Variants in FBXO27 observed in about 807,000 individuals in gnomAD.
FBXO27 encodes F-box only protein 27.
FBXO27 carries 28 observed loss-of-function variants against 28.3 expected under a neutral mutation model. That is an observed-to-expected ratio of 0.99 (90% confidence interval 0.73 to 1.36). FBXO27 has a LOEUF of 1.36. Ranked by LOEUF, FBXO27 falls within the 40% of genes most tolerant of loss-of-function variation. The pLI, the probability that FBXO27 is intolerant of heterozygous loss-of-function variation, is 0.00. For synonymous variants in FBXO27, 175 were observed against 167.3 expected (o/e 1.05, Z -0.36); for missense variants, 388 against 394.1 (o/e 0.98, Z 0.13).
At chr19:39,030,232 C>T (rs1182134316) in intron 4 of FBXO27, among the ~76,000 whole-genome samples, 2 of 151,896 alleles carry the variant, frequency 1.3e-5, no homozygotes, top group Non-Finnish European at 2.9e-5. Flanking sequence ...GATCAAGGTT[C>T]AAAAAAAGGT....
intron 2 of FBXO27, among the ~76,000 whole-genome samples, chr19:39,011,449 TG>T (rs1430255014): frequency 6.6e-6 from 1 of 152,112 alleles, no homozygotes; most frequent in Non-Finnish European, 1.5e-5. Context: ...AATTTTTTTT[TG>T]ATAGGCATTG....
rs183549158 is a variant in FBXO27, at chr19:39,026,443, C to T, written c.708+427G>A. The stretch of plus-strand genomic sequence containing the variant: ...AGGTAAGCCCTCCTGAAATTACTGA[C>T]TCACAGAAATCACGAGAGGTAGTCA... On this transcript the variant is annotated intron_variant, in intron 5 of 5. Transcript: ENST00000292853. Among the ~76,000 whole-genome samples, 325 of 152,278 alleles carry T rather than the reference C, an allele frequency of 2.1e-3. 1 individual carries two copies. Among genetic ancestry groups the T allele is most frequent in the African/African-American group, 7.3e-3 (302 of 41,570 alleles).
intron 2 of FBXO27, among the ~76,000 whole-genome samples, chr19:39,014,103 C>T (rs1177898519): frequency 1.1e-4 from 17 of 152,188 alleles, no homozygotes; most frequent in Admixed American, 6.6e-5. Flanking sequence ...TTAGGTCCCA[C>T]GGAGGGTGCC....
chr19:39,019,390 A>G (rs2072834315), downstream of FBXO27, among the ~76,000 whole-genome samples: 1 of 120,862 alleles, frequency 8.3e-6, no homozygotes, highest in African/African-American at 3.1e-5. Context: ...GTGCCATTGC[A>G]CTCCAGCCTG....
chr19:39,012,132 C>T (rs1311951575), intron 2 of FBXO27, among the ~76,000 whole-genome samples: 3 of 144,834 alleles, frequency 2.1e-5, no homozygotes, highest in East Asian at 2.1e-4. Flanking sequence ...CACGCCCGGC[C>T]GAGCCCTGAT....
rs201790659 is a variant in FBXO27 at position 39,011,699 on chromosome 19, A to C, written c.252+2688T>G. 4.0e-3 allele frequency among the ~76,000 whole-genome samples: 32 copies of C among 8,070 alleles called. 2 individuals carry two copies. The highest frequency in any genetic ancestry group is 7.0e-3 in the South Asian group (1 of 142). 5.3% of individuals were successfully genotyped at this position (8,070 alleles called of 152,430 possible). ...TTTTTCGCAGAGATGGCGGCGGGGGAGGGGGGGTCTCCCTTTGTTGCCCCG... is the reference window on the plus strand; with the variant it reads ...TTTTTCGCAGAGATGGCGGCGGGGGCGGGGGGGTCTCCCTTTGTTGCCCCG... On this transcript the variant is annotated intron_variant, in intron 2 of 2. Transcript: ENST00000598394.
rs369968260 is a variant in FBXO27 at position 39,026,843 on chromosome 19, T to C, written c.708+27A>G. ...TGCAGCAATAGGCCCCCAGCATCCTTTCCCCAAACCCCCATAGGAGACTCA... is the reference window on the plus strand; with the variant it reads ...TGCAGCAATAGGCCCCCAGCATCCTCTCCCCAAACCCCCATAGGAGACTCA... On this transcript the variant is annotated intron_variant, in intron 5 of 5. Coordinates refer to ENST00000292853, the MANE Select transcript of FBXO27 (RefSeq NM_178820.5). 24 of 1,612,818 alleles carry C rather than the reference T, an allele frequency of 1.5e-5. No individual in the cohort carries two copies. The African/African-American group carries it at 3.2e-4, about 22-fold the overall frequency.
intron 2 of FBXO27, 26 bp from the exon 3 acceptor site, chr19:39,031,346 C>G: frequency 6.2e-7 from 1 of 1,609,968 alleles, no homozygotes; most frequent in Non-Finnish European, 8.5e-7. Flanking sequence ...GGCTTGTGCC[C>G]AAGTTCCAGT....
chr19:39,010,444 C>T (rs1448456052), intron 2 of FBXO27, among the ~76,000 whole-genome samples: 2 of 152,216 alleles, frequency 1.3e-5, no homozygotes, highest in Non-Finnish European at 2.9e-5. Flanking sequence ...TCTGGACTCT[C>T]GATTCTATTC....
chr19:39,017,992 T>C (rs564317575), intron 1 of FBXO27, among the ~76,000 whole-genome samples: 8 of 152,244 alleles, frequency 5.3e-5, no homozygotes, highest in African/African-American at 1.9e-4. Context: ...TTAATTATTA[T>C]TTTTTCGTGA....
downstream of FBXO27, among the ~76,000 whole-genome samples, chr19:39,020,908 G>A (rs2072842422): frequency 6.6e-6 from 1 of 151,826 alleles, no homozygotes; most frequent in Admixed American, 6.6e-5. Context: ...AGGCTGGAGT[G>A]CGGTAGCAAA....
At chr19:39,009,691 C>T (rs2072785597) in intron 2 of FBXO27, among the ~76,000 whole-genome samples, 1 of 152,010 alleles carries the variant, frequency 6.6e-6, no homozygotes, top group Non-Finnish European at 1.5e-5. Context: ...ATTTTGGATA[C>T]TAGACCCTTA....
chr19:39,006,199 A>T (rs1975733423), intron 2 of FBXO27, among the ~76,000 whole-genome samples: 1 of 152,088 alleles, frequency 6.6e-6, no homozygotes, highest in African/African-American at 2.4e-5. Context: ...AGGTGGGCGG[A>T]TCACTTGAGG....
intron 4 of FBXO27, among the ~76,000 whole-genome samples, chr19:39,027,661 T>G (rs1174660563): frequency 6.6e-6 from 1 of 151,954 alleles, no homozygotes; most frequent in Non-Finnish European, 1.5e-5. Context: ...GAAGGTGGTT[T>G]TGGAAGTCCT....
Position 39,025,268 on chromosome 19 carries a change from C to T in FBXO27, c.*143G>A, listed in dbSNP as rs555780018. ...GTTTCTAGAACCTGAAGACAGGGCC[C>T]GTCAGGGCCTTTGATTGGACCCAGG... On this transcript the variant is annotated 3_prime_UTR_variant, in exon 6 of 6. Transcript: ENST00000292853. 2.1e-5 allele frequency: 24 copies of T among 1,128,082 alleles called. No homozygotes were observed. Among genetic ancestry groups the T allele is most frequent in the Middle Eastern group, 3.1e-4 (1 of 3,196 alleles). 69.9% of individuals were successfully genotyped at this position (1,128,082 alleles called of 1,614,324 possible).
Position 39,027,016 on chromosome 19 carries a change from A to G in FBXO27, c.573-11T>C, listed in dbSNP as rs1481201386. The G allele has an allele frequency of 2.5e-6, 4 of 1,613,762 alleles. No individual in the cohort carries two copies. The African/African-American group carries it at 4.0e-5, about 16-fold the overall frequency. Reference sequence around the variant, plus strand: ...TGTCGGGCTCCCCACCTGTGGGAGGAAGGAGCCATGAAGGCTGGACCTGCC... The same window carrying G: ...TGTCGGGCTCCCCACCTGTGGGAGGGAGGAGCCATGAAGGCTGGACCTGCC... On this transcript the variant is annotated splice_polypyrimidine_tract_variant and intron_variant, in intron 4 of 5. Transcript: ENST00000292853.
At position 39,025,539 on chromosome 19, in the gene FBXO27, A is replaced by T. The variant is rs2072868465; in HGVS notation, c.724T>A (p.Ser242Thr). Reference sequence around the variant, plus strand: ...AAGCGGACGCCCATCTTGATGTTGGAGAACACGTGGGTGACCTGTAGGCAG... The same window carrying T: ...AAGCGGACGCCCATCTTGATGTTGGTGAACACGTGGGTGACCTGTAGGCAG... Reference protein sequence around the residue: ...NACLHVTHVFSNIKMGVRFVS... With the variant: ...NACLHVTHVFTNIKMGVRFVS... The change falls in exon 6 of 6, where the codon TCC becomes ACC. Residue 242 changes from serine to threonine, a missense_variant. Coordinates refer to ENST00000292853, the MANE Select transcript of FBXO27 (RefSeq NM_178820.5). 2.5e-6 allele frequency: 4 copies of T among 1,613,870 alleles called. No individual in the cohort carries two copies. The highest frequency in any genetic ancestry group is 3.4e-6 in the Non-Finnish European group (4 of 1,179,882).
At chr19:39,031,816 G>C in intron 2 of FBXO27, 48 bp downstream of exon 2, 1 of 1,428,982 alleles carries the variant, frequency 7.0e-7, no homozygotes, top group Non-Finnish European at 9.1e-7. Context: ...CCCCGCTACC[G>C]CTCCCACTGT....
chr19:39,015,906 C>G (rs1033279298), intron 1 of FBXO27, among the ~76,000 whole-genome samples: 2 of 151,906 alleles, frequency 1.3e-5, no homozygotes, highest in South Asian at 4.1e-4. Context: ...CCCGTCTCAA[C>G]TAAAAATACA....
Sources: gnomAD v4.1 joint callset for allele counts (sites outside exome capture counted in the v4.1 genomes callset) on GRCh38, gnomAD v4.1.1 for gene constraint, MANE v1.5 for transcripts, NCBI Gene and HGNC (gene_info 2026-07-23, HGNC 2026-07-21) for gene names.